The following UNC13B variants were observed in gnomAD, a reference collection of about 807,000 sequenced individuals.
UNC13B encodes the protein unc-13 homolog B.
In UNC13B, 144 loss-of-function variants were observed where a neutral mutation model predicts 211.0. The ratio of observed to expected loss-of-function variants is 0.68; its 90% CI spans 0.60 to 0.78. The LOEUF is 0.78. Among genes scored for constraint, UNC13B ranks in the 30% least tolerant of loss-of-function variants. The probability of loss-of-function intolerance (pLI) is 0.00; values close to 1 mark genes in which losing one functional copy is unlikely to be tolerated. For synonymous variants in UNC13B, 709 were observed against 725.8 expected, an observed-to-expected ratio of 0.98 and a Z score of 0.37; for missense variants, 1,777 against 2,002.0, an observed-to-expected ratio of 0.89 and a Z score of 2.14.
chr9:35,380,196 A>T (rs1259586129), intron 17 of UNC13B, among the ~76,000 whole-genome samples: 2 of 152,098 alleles, frequency 1.3e-5, no homozygotes, highest in African/African-American at 4.8e-5. Context: ...AGGAAGTCAG[A>T]ATTGACCTGA....
chr9:35,398,087 C>G, intron 30 of UNC13B, 124 bp from the exon 31 acceptor site: 2 of 792,244 alleles, frequency 2.5e-6, no homozygotes, highest in Non-Finnish European at 3.9e-6. Flanking sequence ...GCTCTTAGTG[C>G]TGAGGGAGAA....
chr9:35,404,067 C>A lies in UNC13B; in HGVS notation c.*34C>A. The A allele has an allele frequency of 6.3e-7, 1 of 1,594,860 alleles. No individual in the cohort carries two copies. The highest frequency in any genetic ancestry group is 8.5e-7 in the Non-Finnish European group (1 of 1,170,516). On this transcript the variant is annotated 3_prime_UTR_variant, in exon 40 of 40. Transcript: ENST00000635942. ...GACTCCTGTGCCAATCAGGCAGCAG[C>A]AATTTCACAAATCAGGGCCAGTGGG...
rs915250481 is a variant in UNC13B, at chr9:35,375,063, C to T, written c.9541-64C>T. The T allele has an allele frequency of 1.1e-5, 17 of 1,573,930 alleles. No individual in the cohort carries two copies. In the Admixed American group the frequency reaches 2.3e-4, roughly 22 times the overall value. ...TCAAGTGGCTTTGGTCACTGAAGCT[C>T]CCTCCCCCAGACTTTGCCAGCCCTT... is the stretch of plus-strand genomic sequence containing the variant. On this transcript the variant is annotated intron_variant, in intron 13 of 39. Transcript: ENST00000635942.
chr9:35,364,198 T>C (rs961791531), intron 11 of UNC13B, among the ~76,000 whole-genome samples: 1 of 146,164 alleles, frequency 6.8e-6, no homozygotes, highest in Non-Finnish European at 1.5e-5. Context: ...GAGTGGTCAT[T>C]GGTAACAAAT....
rs1825901072 is a variant in UNC13B, at chr9:35,243,216, G to GTAAA, written c.395-74_395-71dup. On this transcript the variant is annotated intron_variant, in intron 5 of 39. Transcript: ENST00000635942. ...CTTCTGACTTCAGTCATTAGACAGA[G>GTAAA]TAAAGTGTTATCTGCTGATGATTTA... 3 of 1,434,118 alleles carry GTAAA rather than the reference G, an allele frequency of 2.1e-6. No individual in the cohort carries two copies. In the Admixed American group the frequency reaches 5.1e-5, roughly 24 times the overall value. 88.8% of individuals were successfully genotyped at this position (1,434,118 alleles called of 1,614,324 possible).
chr9:35,394,516 A>C (rs1048732082), intron 26 of UNC13B, among the ~76,000 whole-genome samples: 2 of 152,166 alleles, frequency 1.3e-5, no homozygotes, highest in Non-Finnish European at 2.9e-5. Context: ...GAATTGCTTG[A>C]ACCCAGGAGG....
chr9:35,321,712 G>C (rs1830745255), intron 11 of UNC13B, among the ~76,000 whole-genome samples: 1 of 151,288 alleles, frequency 6.6e-6, no homozygotes, highest in South Asian at 2.1e-4. Flanking sequence ...CATTGCCTAG[G>C]CTGGTCTTGA....
chr9:35,301,729 A>G lies in UNC13B; in HGVS notation c.2325A>G (p.Pro775=). The G allele has an allele frequency of 2.5e-6, 1 of 398,936 alleles. No individual in the cohort carries two copies. Among genetic ancestry groups the G allele is most frequent in the East Asian group, 3.6e-5 (1 of 28,070 alleles). 24.7% of individuals were successfully genotyped at this position (398,936 alleles called of 1,614,324 possible). The change falls in exon 9 of 40, where the codon CCA becomes CCG. Residue 775 remains proline, a synonymous_variant. Coordinates refer to ENST00000635942, the MANE Select transcript of UNC13B (RefSeq NM_001371189.2). ...DQQKICAKDT[P]GHPCIAGSRT... ...AAAAAATATGTGCCAAAGATACTCC[A>G]GGACATCCTTGTATAGCTGGCAGTA...
chr9:35,306,293 G>A lies in UNC13B; in HGVS notation c.6889G>A (p.Ala2297Thr). 1 of 399,060 alleles carries A rather than the reference G, an allele frequency of 2.5e-6. No homozygotes were observed. Among genetic ancestry groups the A allele is most frequent in the Admixed American group, 4.4e-5 (1 of 22,728 alleles). 24.7% of individuals were successfully genotyped at this position (399,060 alleles called of 1,614,324 possible). The part of the protein sequence containing the change: ...INNTIEVTSL[A>T]DELSVDKDCQ... The stretch of plus-strand genomic sequence containing the variant: ...CAACACCATTGAGGTTACCTCCCTT[G>A]CAGATGAGCTCAGTGTAGACAAGGA... Residue 2297 changes from alanine to threonine, a missense_variant, in exon 9 of 40, where the codon GCA becomes ACA. By Grantham distance (58) the Ala-to-Thr change is moderately conservative. Transcript: ENST00000635942.
In UNC13B at chr9:35,399,117, T is replaced by C. The variant is rs573517636; in HGVS notation, c.12075-44T>C. 5.1e-5 allele frequency: 83 copies of C among 1,614,102 alleles called. No individual in the cohort carries two copies. The South Asian group carries it at 8.2e-4, about 16-fold the overall frequency. On this transcript the variant is annotated intron_variant, in intron 33 of 39. Coordinates refer to ENST00000635942, the MANE Select transcript of UNC13B (RefSeq NM_001371189.2). ...AAGGGAGCCCCTTGGGGAGAGGGGT[T>C]CTCAAACTCTCACCCTGGTCTCACC...
Position 35,399,256 on chromosome 9 carries a change from T to G in UNC13B, c.12170T>G (p.Ile4057Ser). 6.2e-7 allele frequency: 1 copy of G among 1,614,098 alleles called. No individual in the cohort carries two copies. Among genetic ancestry groups the G allele is most frequent in the Non-Finnish European group, 8.5e-7 (1 of 1,180,014 alleles). The stretch of plus-strand genomic sequence containing the variant: ...GTGATGAACACAATGGAGAGGATGA[T>G]TGTTCTGCCCCCACTCACTGACCAG... ...RVVMNTMERM[I>S]VLPPLTDQTG... is the part of the protein sequence containing the mutation. The change falls in exon 34 of 40, where the codon ATT (isoleucine) becomes AGT (serine). Residue 4057 changes from isoleucine to serine, a missense_variant. Ile to Ser is a moderately radical substitution (Grantham distance 142). Coordinates refer to ENST00000635942, the MANE Select transcript of UNC13B (RefSeq NM_001371189.2).
At chr9:35,357,861 C>T (rs1042396244) in intron 11 of UNC13B, among the ~76,000 whole-genome samples, 4 of 152,082 alleles carry the variant, frequency 2.6e-5, no homozygotes, top group East Asian at 1.9e-4. Context: ...CAAGTACATT[C>T]GTATTGTTCT....
At chr9:35,197,693 G>A (rs183808101) in intron 1 of UNC13B, among the ~76,000 whole-genome samples, 156 of 151,886 alleles carry the variant, frequency 1.0e-3, no homozygotes, top group African/African-American at 3.6e-3. Context: ...CTTCCCCCTT[G>A]CTGTTCTTGT....
intron 7 of UNC13B, among the ~76,000 whole-genome samples, chr9:35,281,759 C>T (rs894680133): frequency 1.3e-5 from 2 of 152,168 alleles, no homozygotes; most frequent in East Asian, 3.9e-4. Context: ...TTCATTTCTA[C>T]CTCTCCCCAG....
intron 1 of UNC13B, among the ~76,000 whole-genome samples, chr9:35,183,394 C>T (rs1303733997): frequency 3.3e-5 from 4 of 120,862 alleles, no homozygotes; most frequent in Admixed American, 8.4e-5. Context: ...CCAGACGGGG[C>T]GGCCGGGCAG....
chr9:35,243,625 A>G (rs2088219788), intron 6 of UNC13B, among the ~76,000 whole-genome samples: 1 of 152,124 alleles, frequency 6.6e-6, no homozygotes, highest in Admixed American at 6.6e-5. Context: ...GTACCAGGGA[A>G]TCTGTCCTCT....
At chr9:35,289,712 C>G (rs764730952) in intron 7 of UNC13B, among the ~76,000 whole-genome samples, 1 of 152,184 alleles carries the variant, frequency 6.6e-6, no homozygotes, top group African/African-American at 2.4e-5. Context: ...CATGGTGGCT[C>G]ACTCCTGTAA....
chr9:35,163,576 G>A (rs1820884651), intron 1 of UNC13B, among the ~76,000 whole-genome samples: 1 of 152,302 alleles, frequency 6.6e-6, no homozygotes, highest in Non-Finnish European at 1.5e-5. Context: ...GATCCCTGCT[G>A]CTGAGTAGCA....
In UNC13B at chr9:35,305,847, C is replaced by T. The variant is rs1270809398; in HGVS notation, c.6443C>T (p.Thr2148Ile). Reference sequence around the variant, plus strand: ...GACTGGAGTTTCTCTATGGCTGCAACATCTTCATCTCAACCAGAGTTATCA... The same window carrying T: ...GACTGGAGTTTCTCTATGGCTGCAATATCTTCATCTCAACCAGAGTTATCA... ...DKDWSFSMAATSSSQPELSTK... is the reference protein window; with the variant it reads ...DKDWSFSMAAISSSQPELSTK... Residue 2148 changes from threonine (T) to isoleucine (I), a missense_variant, in exon 9 of 40, where the codon ACA becomes ATA. Coordinates refer to ENST00000635942, the MANE Select transcript of UNC13B (RefSeq NM_001371189.2). 2.5e-6 allele frequency: 1 copy of T among 398,898 alleles called. No individual in the cohort carries two copies. Among genetic ancestry groups the T allele is most frequent in the Non-Finnish European group, 4.4e-6 (1 of 226,044 alleles). The allele number at this position is 398,898 out of a possible 1,614,324, so 24.7% of individuals were successfully genotyped here.
Sources: gnomAD v4.1 joint callset for allele counts (sites outside exome capture counted in the v4.1 genomes callset) on GRCh38, gnomAD v4.1.1 for gene constraint, MANE v1.5 for transcripts, NCBI Gene and HGNC (gene_info 2026-07-23, HGNC 2026-07-21) for gene names.